ROR2: variants seen among roughly 807,000 people sequenced by gnomAD.
ROR2 encodes the protein tyrosine-protein kinase transmembrane receptor ROR2.
ROR2 carries 33 observed loss-of-function variants against 74.9 expected under a neutral mutation model. The observed-to-expected ratio is 0.44, with a 90% CI of 0.33 to 0.59. ROR2 has a LOEUF of 0.59. Among genes scored for constraint, ROR2 ranks in the 20% least tolerant of loss-of-function variants. The probability of loss-of-function intolerance (pLI) is 0.02; values close to 1 mark genes in which losing one functional copy is unlikely to be tolerated. For missense variants in ROR2, 1,216 were observed against 1,313.8 expected (o/e 0.93, Z 1.15); for synonymous variants, 586 against 558.7 (o/e 1.05, Z -0.69).
intron 1 of ROR2, among the ~76,000 whole-genome samples, chr9:91,873,416 C>T (rs1829864216): frequency 6.6e-6 from 1 of 152,108 alleles, no homozygotes; most frequent in Admixed American, 6.6e-5. Context: ...GGTAAAAACC[C>T]CATCTGTACT....
chr9:91,885,009 C>T (rs1442359925), intron 1 of ROR2, among the ~76,000 whole-genome samples: 2 of 152,140 alleles, frequency 1.3e-5, no homozygotes. Context: ...CTTAAAGCCT[C>T]GCGAACTTAA....
At chr9:91,833,394 GC>G (rs1202247665) in intron 1 of ROR2, among the ~76,000 whole-genome samples, 3 of 152,066 alleles carry the variant, frequency 2.0e-5, no homozygotes, top group Non-Finnish European at 4.4e-5. Context: ...TCCCAGCTTT[GC>G]CCCAACCGCT....
chr9:91,741,092 G>A (rs1451701751), intron 4 of ROR2, among the ~76,000 whole-genome samples: 1 of 151,982 alleles, frequency 6.6e-6, no homozygotes, highest in African/African-American at 2.4e-5. Flanking sequence ...ATGAGGTCAG[G>A]CGATCGAGAC....
intron 1 of ROR2, among the ~76,000 whole-genome samples, chr9:91,848,777 A>C (rs1205424219): frequency 2.0e-5 from 3 of 151,592 alleles, no homozygotes; most frequent in Non-Finnish European, 4.4e-5. Flanking sequence ...AAAAAAAAAA[A>C]AAAAAAAAAC....
chr9:91,739,614 C>G (rs1380224964), intron 4 of ROR2, among the ~76,000 whole-genome samples: 1 of 151,450 alleles, frequency 6.6e-6, no homozygotes, highest in Non-Finnish European at 1.5e-5. Flanking sequence ...TGAACACTTG[C>G]AATAGTGAAG....
At chr9:91,916,893 G>A (rs1484362561) in intron 1 of ROR2, among the ~76,000 whole-genome samples, 1 of 152,150 alleles carries the variant, frequency 6.6e-6, no homozygotes, top group Non-Finnish European at 1.5e-5. Flanking sequence ...AGCTTTCAAA[G>A]AAGAGGCTTC....
rs1047856513 is a variant in ROR2, at chr9:91,848,784, A to C, written c.98-72966T>G. 1.2e-4 allele frequency among the ~76,000 whole-genome samples: 17 copies of C among 144,622 alleles called. No individual in the cohort carries two copies. In the South Asian group the frequency reaches 3.3e-3, roughly 28 times the overall value. The allele number at this position is 144,622 out of a possible 152,430, so 94.9% of individuals were successfully genotyped here. ...GGGAAGAAAAAAAAAAAAAAAAAAA[A>C]AACAGTTGGACCTAAGGCTGTAGTT... On this transcript the variant is annotated intron_variant, in intron 1 of 8. Transcript: ENST00000375708.
intron 1 of ROR2, among the ~76,000 whole-genome samples, chr9:91,867,842 T>A (rs1304438207): frequency 6.6e-6 from 1 of 152,174 alleles, no homozygotes; most frequent in Non-Finnish European, 1.5e-5. Context: ...GCATTGGGAC[T>A]GCAAACACGG....
chr9:91,792,577 G>A (rs998710582), intron 1 of ROR2, among the ~76,000 whole-genome samples: 10 of 152,054 alleles, frequency 6.6e-5, no homozygotes, highest in Non-Finnish European at 1.5e-4. Flanking sequence ...CAAAGTGCTG[G>A]GATTACAGGC....
chr9:91,895,749 G>A (rs960073614), intron 1 of ROR2, among the ~76,000 whole-genome samples: 14 of 152,134 alleles, frequency 9.2e-5, no homozygotes, highest in Non-Finnish European at 1.6e-4. Flanking sequence ...AGGCTGACAC[G>A]GGAGAATTCG....
At chr9:91,803,571 T>A (rs1827458178) in intron 1 of ROR2, among the ~76,000 whole-genome samples, 1 of 151,256 alleles carries the variant, frequency 6.6e-6, no homozygotes, top group South Asian at 2.1e-4. Flanking sequence ...ATGCAAACTA[T>A]GAGAATTTCA....
intron 1 of ROR2, among the ~76,000 whole-genome samples, chr9:91,787,096 C>T (rs574527022): frequency 6.6e-6 from 1 of 152,242 alleles, no homozygotes; most frequent in South Asian, 2.1e-4. Flanking sequence ...TCATACAGAT[C>T]TTTGATGAAA....
intron 1 of ROR2, among the ~76,000 whole-genome samples, chr9:91,839,140 A>G (rs543657519): frequency 8.5e-5 from 13 of 152,212 alleles, no homozygotes; most frequent in Admixed American, 7.2e-4. Flanking sequence ...GAATTCACCA[A>G]TTAACAAGAT....
chr9:91,826,868 A>C (rs1169349211), intron 1 of ROR2, among the ~76,000 whole-genome samples: 3 of 152,168 alleles, frequency 2.0e-5, no homozygotes, highest in Non-Finnish European at 4.4e-5. Context: ...CATTTTGAGA[A>C]GGGGAGACTC....
rs577470675 is a variant in ROR2 at position 91,905,406 on chromosome 9, A to C, written c.97+44461T>G. Among the ~76,000 whole-genome samples the C allele has an allele frequency of 2.0e-5, 3 of 151,782 alleles. No individual in the cohort carries two copies. Among genetic ancestry groups the C allele is most frequent in the Admixed American group, 1.3e-4 (2 of 15,234 alleles). ...ATACCACACACACAGAGAGACAAAA[A>C]CTATACAAATGTCACATCACACAAA... On this transcript the variant is annotated intron_variant, in intron 1 of 8. Coordinates refer to ENST00000375708, the MANE Select transcript of ROR2 (RefSeq NM_004560.4). The surrounding 1 kb of genome is among the most constrained non-coding windows in gnomAD (Gnocchi z 5.3).
rs1355048744 is a variant in ROR2, at chr9:91,924,653, C to T, written c.97+25214G>A. Among the ~76,000 whole-genome samples, 9 of 152,132 alleles carry T rather than the reference C, an allele frequency of 5.9e-5. No homozygotes were observed. The East Asian group carries it at 9.7e-4, about 16-fold the overall frequency. ...CTAAAAATACAAAAAACTAGCCAGG[C>T]GTGGTAGCGGGCGCCTGTAGTCCCA... On this transcript the variant is annotated intron_variant, in intron 1 of 8. Coordinates refer to ENST00000375708, the MANE Select transcript of ROR2 (RefSeq NM_004560.4).
At chr9:91,848,963 G>A (rs969857199) in intron 1 of ROR2, among the ~76,000 whole-genome samples, 2 of 152,106 alleles carry the variant, frequency 1.3e-5, no homozygotes, top group Non-Finnish European at 2.9e-5. Context: ...AGGAACATCA[G>A]GACTCTTACA....
In ROR2 at chr9:91,724,208, C is replaced by T. The variant is rs143759440; in HGVS notation, c.2286G>A (p.Ser762=). ...TGGTCTGCGTGGTGTTGCTGGCCCC[C>T]GAGGTCTGCGCCGAGCTGTTGTAGT... ...LSNYNSSAQT[S]GASNTTQTSS... Residue 762 remains serine, a synonymous_variant, in exon 9 of 9, where the codon TCG becomes TCA. Transcript: ENST00000375708. 3.0e-5 allele frequency: 49 copies of T among 1,613,200 alleles called. No individual in the cohort carries two copies. Among genetic ancestry groups the T allele is most frequent in the African/African-American group, 2.1e-4 (16 of 75,030 alleles).
At chr9:91,940,170 C>T (rs1831812510) in intron 1 of ROR2, among the ~76,000 whole-genome samples, 1 of 152,346 alleles carries the variant, frequency 6.6e-6, no homozygotes, top group East Asian at 1.9e-4. Flanking sequence ...GTGTGAAAGG[C>T]CATTTCCAGC....
Sources: allele counts gnomAD v4.1 joint callset (sites outside exome capture counted in the v4.1 genomes callset), GRCh38; gene constraint gnomAD v4.1.1; non-coding constraint Gnocchi (gnomAD v3.1); transcripts MANE v1.5; gene names NCBI Gene and HGNC (gene_info 2026-07-23, HGNC 2026-07-21).